Variants in EDIL3 observed in about 807,000 individuals in gnomAD.
EDIL3 encodes the protein EGF like and discoidin domains 3.
EDIL3 carries 37 observed loss-of-function variants against 67.4 expected under a neutral mutation model. The ratio of observed to expected loss-of-function variants is 0.55; its 90% confidence interval spans 0.42 to 0.72. The LOEUF (loss-of-function observed/expected upper bound fraction) is 0.72, where lower values mean the gene tolerates loss of function less well. Among genes scored for constraint, EDIL3 ranks in the 30% least tolerant of loss-of-function variants. The pLI is 0.00. For missense variants in EDIL3, 527 were observed against 586.3 expected, an observed-to-expected ratio of 0.90 and a Z score of 1.04; for synonymous variants, 195 against 196.3, an observed-to-expected ratio of 0.99 and a Z score of 0.05.
At chr5:84,056,604 C>T (rs1037411832) in intron 9 of EDIL3, among the ~76,000 whole-genome samples, 11 of 151,822 alleles carry the variant, frequency 7.2e-5, no homozygotes, top group Non-Finnish European at 1.3e-4. Context: ...AATTGTATTG[C>T]CAGATATCTG....
intron 4 of EDIL3, among the ~76,000 whole-genome samples, chr5:84,142,761 G>A (rs142614695): frequency 6.6e-6 from 1 of 151,768 alleles, no homozygotes; most frequent in African/African-American, 2.4e-5. Flanking sequence ...GAAGGAACAT[G>A]GTTCTTGGGC....
At chr5:84,162,444 T>C (rs1019484839) in intron 4 of EDIL3, among the ~76,000 whole-genome samples, 4 of 152,124 alleles carry the variant, frequency 2.6e-5, no homozygotes, top group African/African-American at 7.2e-5. Flanking sequence ...AGTACCAAAG[T>C]GGATGAGATG....
At chr5:84,325,375 A>G (rs1746736685) in intron 1 of EDIL3, among the ~76,000 whole-genome samples, 1 of 152,022 alleles carries the variant, frequency 6.6e-6, no homozygotes, top group Non-Finnish European at 1.5e-5. Context: ...CAACAAACAC[A>G]TGAAACAATG....
chr5:84,267,385 G>A (rs1163105688), intron 1 of EDIL3, among the ~76,000 whole-genome samples: 1 of 152,164 alleles, frequency 6.6e-6, no homozygotes, highest in Non-Finnish European at 1.5e-5. Context: ...ATGCCCCTTA[G>A]TATGATAATT....
chr5:84,049,759 C>T (rs550001847), intron 9 of EDIL3, among the ~76,000 whole-genome samples: 3 of 152,272 alleles, frequency 2.0e-5, no homozygotes, highest in African/African-American at 7.2e-5. Flanking sequence ...TACAAACCAT[C>T]ATACACAGAG....
At chr5:83,948,613 G>C (rs1382293963) in intron 10 of EDIL3, among the ~76,000 whole-genome samples, 2 of 151,150 alleles carry the variant, frequency 1.3e-5, no homozygotes, top group East Asian at 1.9e-4. Flanking sequence ...TTATTAAAAA[G>C]GAAAAAAATA....
rs371486548 is a variant in EDIL3, at chr5:84,384,388, G to A, written c.-14C>T. On this transcript the variant is annotated 5_prime_UTR_variant, in exon 1 of 11. Transcript: ENST00000296591. ...CGAGCGCTTCATGATCCCGTCTCCC[G>A]GACGTGACCCCGGCTGGTCAGGGGT... The A allele has an allele frequency of 5.8e-5, 94 of 1,611,988 alleles. No individual in the cohort carries two copies. The highest frequency in any genetic ancestry group is 1.6e-4 in the Middle Eastern group (1 of 6,076).
intron 2 of EDIL3, among the ~76,000 whole-genome samples, chr5:84,248,790 A>C (rs987680945): frequency 3.3e-5 from 5 of 152,102 alleles, no homozygotes; most frequent in African/African-American, 1.2e-4. Flanking sequence ...CATACCCCAT[A>C]AATAAGCAAT....
At chr5:84,021,594 T>G (rs1223949990) in intron 9 of EDIL3, among the ~76,000 whole-genome samples, 1 of 152,020 alleles carries the variant, frequency 6.6e-6, no homozygotes, top group Non-Finnish European at 1.5e-5. Context: ...TTTTAAAAAT[T>G]TGTTGAGACT....
At chr5:83,993,905 TG>T (rs1240156360) in intron 9 of EDIL3, among the ~76,000 whole-genome samples, 1 of 152,170 alleles carries the variant, frequency 6.6e-6, no homozygotes, top group East Asian at 1.9e-4. Context: ...GAAATATAAC[TG>T]GGAAACAACC....
chr5:84,340,346 C>T (rs1263900180), intron 1 of EDIL3, among the ~76,000 whole-genome samples: 1 of 151,538 alleles, frequency 6.6e-6, no homozygotes, highest in African/African-American at 2.4e-5. Flanking sequence ...CCTGCAGTAC[C>T]TCAGTTATCT....
chr5:84,350,011 C>A (rs1008113572), intron 1 of EDIL3, among the ~76,000 whole-genome samples: 4 of 152,050 alleles, frequency 2.6e-5, no homozygotes, highest in African/African-American at 9.7e-5. Context: ...AACTGAGTTG[C>A]AGAGAGGCTA....
Position 83,943,230 on chromosome 5 carries a change from T to C in EDIL3, c.*189A>G. The C allele has an allele frequency of 1.6e-6, 1 of 626,510 alleles. No individual in the cohort carries two copies. The highest frequency in any genetic ancestry group is 2.6e-6 in the Non-Finnish European group (1 of 378,608). 38.8% of individuals were successfully genotyped at this position (626,510 alleles called of 1,614,324 possible). ...AAGAGATTTGACGGATAAAATAAAA[T>C]CAAATTAAATCATTGAAAAGGCAGG... On this transcript the variant is annotated 3_prime_UTR_variant, in exon 11 of 11. Coordinates refer to ENST00000296591, the MANE Select transcript of EDIL3 (RefSeq NM_005711.5).
intron 1 of EDIL3, among the ~76,000 whole-genome samples, chr5:84,284,654 TGAA>T (rs1472177545): frequency 5.9e-5 from 9 of 152,184 alleles, no homozygotes; most frequent in African/African-American, 2.2e-4. Context: ...TGTTTCTGCT[TGAA>T]ATAATGATAA....
At chr5:84,033,280 C>T (rs886244622) in intron 9 of EDIL3, among the ~76,000 whole-genome samples, 7 of 152,194 alleles carry the variant, frequency 4.6e-5, no homozygotes, top group Admixed American at 3.3e-4. Flanking sequence ...AATAACTTTA[C>T]ACATGAGAAA....
chr5:84,075,327 T>C (rs1431614110), intron 6 of EDIL3, among the ~76,000 whole-genome samples: 1 of 152,070 alleles, frequency 6.6e-6, no homozygotes, highest in Non-Finnish European at 1.5e-5. Context: ...TGTGCACATG[T>C]ACCCTAAAAC....
chr5:84,044,783 G>A (rs1330888910), intron 9 of EDIL3, among the ~76,000 whole-genome samples: 1 of 152,154 alleles, frequency 6.6e-6, no homozygotes, highest in Non-Finnish European at 1.5e-5. Context: ...TAAGAAGCCA[G>A]AAGTCGAAGT....
intron 3 of EDIL3, among the ~76,000 whole-genome samples, chr5:84,218,264 C>A (rs369225509): frequency 6.6e-6 from 1 of 152,068 alleles, no homozygotes; most frequent in Non-Finnish European, 1.5e-5. Flanking sequence ...CCTAACATAC[C>A]TAATGACAGT....
intron 4 of EDIL3, among the ~76,000 whole-genome samples, chr5:84,148,400 A>T (rs1748325434): frequency 6.6e-6 from 1 of 152,176 alleles, no homozygotes. Context: ...TGGAAACTTT[A>T]ATACACTGAA....
Sources: gnomAD v4.1 joint callset for allele counts (sites outside exome capture counted in the v4.1 genomes callset) on GRCh38, gnomAD v4.1.1 for gene constraint, MANE v1.5 for transcripts, NCBI Gene and HGNC (gene_info 2026-07-23, HGNC 2026-07-21) for gene names.